The following ANKS1B variants were observed in gnomAD, a reference collection of about 807,000 sequenced individuals.
ANKS1B encodes ankyrin repeat and sterile alpha motif domain-containing protein 1B.
Under a neutral mutation model 148.3 loss-of-function variants are expected in ANKS1B, and 36 were observed. The ratio of observed to expected loss-of-function variants is 0.24; its 90% CI spans 0.19 to 0.32. ANKS1B has a LOEUF of 0.32. Among genes scored for constraint, ANKS1B ranks in the 10% least tolerant of loss-of-function variants. The pLI is 1.00. For synonymous variants in ANKS1B, 542 were observed against 560.8 expected (o/e 0.97, Z 0.47); for missense variants, 1,157 against 1,542.6 (o/e 0.75, Z 4.19).
intron 17 of ANKS1B, among the ~76,000 whole-genome samples, chr12:98,923,073 C>T (rs2099803593): frequency 6.6e-6 from 1 of 152,002 alleles, no homozygotes; most frequent in East Asian, 1.9e-4. Flanking sequence ...GTGTCTGGGT[C>T]ATAGAGGTAT....
intron 15 of ANKS1B, among the ~76,000 whole-genome samples, chr12:99,105,194 G>C (rs1014491450): frequency 6.6e-6 from 1 of 152,156 alleles, no homozygotes; most frequent in Non-Finnish European, 1.5e-5. Context: ...TTTGAGGACT[G>C]TTATGCAATT....
chr12:99,246,550 A>T lies in ANKS1B; in HGVS notation c.2071T>A (p.Ser691Thr). Residue 691 changes from serine (S) to threonine (T), a missense_variant, in exon 13 of 27, where the codon TCA (serine) becomes ACA (threonine). Ser to Thr is a moderately conservative substitution (Grantham distance 58). Around this residue, in one of 6 missense-constraint regions of ANKS1B, gnomAD observed 661 missense variants for 642.1 expected, o/e 1.03. Transcript: ENST00000683438. ...CCATTCCGAGATCCACTCCTGGTTG[A>T]TCTTGTGCCAACAATGGTATGGTTT... Reference protein sequence around the residue: ...LENHTIVGTRSTRSGSRNGDQ... With the variant: ...LENHTIVGTRTTRSGSRNGDQ... The T allele has an allele frequency of 6.2e-7, 1 of 1,613,808 alleles. No homozygotes were observed. The highest frequency in any genetic ancestry group is 8.5e-7 in the Non-Finnish European group (1 of 1,179,840).
chr12:98,979,276 A>T (rs973022353), intron 17 of ANKS1B, among the ~76,000 whole-genome samples: 11 of 148,748 alleles, frequency 7.4e-5, no homozygotes, highest in South Asian at 6.4e-4. Context: ...TAATTAATTA[A>T]TTTTTTTTTG....
intron 9 of ANKS1B, among the ~76,000 whole-genome samples, chr12:99,585,622 T>C (rs573965005): frequency 1.3e-5 from 2 of 152,318 alleles, no homozygotes; most frequent in East Asian, 3.9e-4. Context: ...TTGAGAGCCT[T>C]GTGCCTGCAG....
Position 98,889,733 on chromosome 12 carries a change from T to C in ANKS1B, c.2779-57597A>G, listed in dbSNP as rs577639886. Among the ~76,000 whole-genome samples the C allele has an allele frequency of 9.2e-5, 14 of 152,366 alleles. No individual in the cohort carries two copies. The East Asian group carries it at 2.5e-3, about 27-fold the overall frequency. Reference sequence around the variant, plus strand: ...AATGTGTAGCTTTTGGCTCCTTTGATAACAGACCATTAAATTAGAATAATG... The same window carrying C: ...AATGTGTAGCTTTTGGCTCCTTTGACAACAGACCATTAAATTAGAATAATG... On this transcript the variant is annotated intron_variant, in intron 17 of 26. Coordinates refer to ENST00000683438, the MANE Select transcript of ANKS1B (RefSeq NM_001352186.2).
At chr12:99,655,880 TTAC>T (rs1342779565) in intron 8 of ANKS1B, among the ~76,000 whole-genome samples, 1 of 152,114 alleles carries the variant, frequency 6.6e-6, no homozygotes, top group Non-Finnish European at 1.5e-5. Context: ...CAGATGGGTA[TTAC>T]CTGACTTAGC....
chr12:99,442,861 T>C (rs2095572470), intron 11 of ANKS1B, among the ~76,000 whole-genome samples: 1 of 151,996 alleles, frequency 6.6e-6, no homozygotes, highest in African/African-American at 2.4e-5. Context: ...AGATGATGAA[T>C]GGCATTGATT....
chr12:99,703,089 C>A (rs377368450), intron 8 of ANKS1B, among the ~76,000 whole-genome samples: 2 of 152,102 alleles, frequency 1.3e-5, no homozygotes, highest in Non-Finnish European at 2.9e-5. Flanking sequence ...AACCATCAAA[C>A]ATCTAAGTTT....
At chr12:98,890,126 C>T (rs2099749218) in intron 17 of ANKS1B, among the ~76,000 whole-genome samples, 1 of 152,112 alleles carries the variant, frequency 6.6e-6, no homozygotes, top group South Asian at 2.1e-4. Context: ...TCTAGAGTAG[C>T]TCTGGGTGGG....
rs149070907 is a variant in ANKS1B at position 99,295,908 on chromosome 12, A to G, written c.1757-49044T>C. On this transcript the variant is annotated intron_variant, in intron 12 of 26. Transcript: ENST00000683438. ...TTTGCTAAGGTGTCATTTTTAAGAA[A>G]TCTTTGCCTAACCCAAAGTCACAAA... Among the ~76,000 whole-genome samples the G allele has an allele frequency of 5.3e-5, 8 of 152,270 alleles. No homozygotes were observed. In the East Asian group the frequency reaches 1.5e-3, roughly 29 times the overall value.
intron 17 of ANKS1B, among the ~76,000 whole-genome samples, chr12:98,925,460 T>A (rs1325887425): frequency 6.6e-6 from 1 of 152,330 alleles, no homozygotes; most frequent in South Asian, 2.1e-4. Flanking sequence ...CTCAAAATTT[T>A]GTAGCTAGTT....
chr12:99,223,733 C>G (rs1266971381), intron 14 of ANKS1B, among the ~76,000 whole-genome samples: 1 of 152,178 alleles, frequency 6.6e-6, no homozygotes, highest in Non-Finnish European at 1.5e-5. Flanking sequence ...ATGACCTTGA[C>G]AGCAGTATAG....
At chr12:98,836,214 TTTGAG>T (rs1268154294) in intron 17 of ANKS1B, among the ~76,000 whole-genome samples, 1 of 152,228 alleles carries the variant, frequency 6.6e-6, no homozygotes, top group East Asian at 1.9e-4. Flanking sequence ...TGCTTCTTAC[TTTGAG>T]TTATCATGTT....
chr12:99,549,393 T>G (rs1006539218), intron 9 of ANKS1B, among the ~76,000 whole-genome samples: 3 of 152,162 alleles, frequency 2.0e-5, no homozygotes, highest in African/African-American at 7.2e-5. Flanking sequence ...AAGCAGATGG[T>G]TTTTGAAGTC....
chr12:99,955,471 CG>C lies in ANKS1B; in HGVS notation c.134+28632del, dbSNP rs546561846. Among the ~76,000 whole-genome samples the C allele has an allele frequency of 2.0e-3, 239 of 116,998 alleles. 1 individual carries two copies. Among genetic ancestry groups the C allele is most frequent in the African/African-American group, 7.5e-3 (233 of 31,194 alleles). The allele number at this position is 116,998 out of a possible 152,430, so 76.8% of individuals were successfully genotyped here. A position where few individuals can be genotyped will look rare whatever the true frequency, so the allele number is the denominator to read the frequency against. On this transcript the variant is annotated intron_variant, in intron 1 of 26. Coordinates refer to ENST00000683438, the MANE Select transcript of ANKS1B (RefSeq NM_001352186.2). ...TCGCGCCACTGCGCTCCAGCCTGGG[CG>C]ACAGAGCGAAACTCCGTCTCAAAAA...
intron 19 of ANKS1B, among the ~76,000 whole-genome samples, chr12:98,814,761 T>A (rs1016069846): frequency 3.3e-5 from 5 of 152,206 alleles, no homozygotes; most frequent in African/African-American, 9.6e-5. Context: ...TGAATTACTA[T>A]GAAACCCAAA....
intron 17 of ANKS1B, among the ~76,000 whole-genome samples, chr12:98,926,711 C>T (rs1327468962): frequency 6.6e-6 from 1 of 151,800 alleles, no homozygotes; most frequent in East Asian, 1.9e-4. Flanking sequence ...TTTAAACGTA[C>T]AAAATCGGAA....
At chr12:99,193,138 C>T (rs890905743) in intron 14 of ANKS1B, among the ~76,000 whole-genome samples, 1 of 152,066 alleles carries the variant, frequency 6.6e-6, no homozygotes, top group African/African-American at 2.4e-5. Context: ...TTATATATAC[C>T]TTTAATATGC....
intron 25 of ANKS1B, among the ~76,000 whole-genome samples, chr12:98,757,399 T>G (rs2098276075): frequency 6.6e-6 from 1 of 152,224 alleles, no homozygotes; most frequent in Non-Finnish European, 1.5e-5. Context: ...TTTTATATTT[T>G]GGGGTGGTTT....
Sources: allele counts gnomAD v4.1 joint callset (sites outside exome capture counted in the v4.1 genomes callset), GRCh38; gene constraint gnomAD v4.1.1; regional missense constraint gnomAD v4.1.1; transcripts MANE v1.5; gene names NCBI Gene and HGNC (gene_info 2026-07-23, HGNC 2026-07-21).